Variants in GRIK3 observed in about 807,000 individuals in gnomAD.
The protein encoded by GRIK3 is glutamate ionotropic receptor kainate type subunit 3, also known as glutamate receptor ionotropic, kainate 3.
A neutral mutation model predicts 102.5 loss-of-function variants in GRIK3; 29 were observed. The ratio of observed to expected loss-of-function variants is 0.28; its 90% CI spans 0.21 to 0.39. The LOEUF (loss-of-function observed/expected upper bound fraction) is 0.39. GRIK3 is among the 10% of genes least tolerant of loss of function. GRIK3 has a pLI of 1.00. For missense variants in GRIK3, 908 were observed against 1,252.4 expected (o/e 0.73, Z 4.15); for synonymous variants, 511 against 504.9 (o/e 1.01, Z -0.16).
intron 1 of GRIK3, among the ~76,000 whole-genome samples, chr1:36,932,844 C>G (rs1160030455): frequency 6.6e-6 from 1 of 152,130 alleles, no homozygotes; most frequent in Non-Finnish European, 1.5e-5. Flanking sequence ...CATCTATTTG[C>G]TTGCTGTAGT....
intron 1 of GRIK3, among the ~76,000 whole-genome samples, chr1:37,022,074 G>C (rs1178717687): frequency 6.6e-6 from 1 of 152,206 alleles, no homozygotes; most frequent in Non-Finnish European, 1.5e-5. Context: ...TATATTCCCA[G>C]GGCTAAATGG....
intron 1 of GRIK3, among the ~76,000 whole-genome samples, chr1:36,970,277 C>T (rs955198859): frequency 4.6e-5 from 7 of 152,200 alleles, no homozygotes; most frequent in Non-Finnish European, 1.0e-4. Context: ...ACTAGGAGGT[C>T]ATCCGTATGT....
At chr1:36,890,828 G>T in intron 2 of GRIK3, 92 bp downstream of exon 2, 3 of 1,023,382 alleles carry the variant, frequency 2.9e-6, no homozygotes, top group Non-Finnish European at 4.3e-6. Context: ...CCTACTTGGA[G>T]CTCTGGCCCA....
intron 1 of GRIK3, among the ~76,000 whole-genome samples, chr1:36,918,461 G>A (rs1167169414): frequency 2.6e-5 from 4 of 152,144 alleles, no homozygotes; most frequent in Non-Finnish European, 5.9e-5. Flanking sequence ...TATTAATGGC[G>A]ACAAAGTATC....
intron 1 of GRIK3, among the ~76,000 whole-genome samples, chr1:36,970,942 T>G (rs1292542154): frequency 6.6e-6 from 1 of 152,246 alleles, no homozygotes; most frequent in African/African-American, 2.4e-5. Context: ...CAGTAGGAAC[T>G]GACTAGGTGA....
intron 5 of GRIK3, among the ~76,000 whole-genome samples, chr1:36,866,551 A>G (rs1043418227): frequency 6.6e-6 from 1 of 152,198 alleles, no homozygotes; most frequent in Admixed American, 6.5e-5. Flanking sequence ...CAAAAGCAGG[A>G]TGTTTAGTTT....
rs192380141 is a variant in GRIK3 at position 36,824,100 on chromosome 1, C to A, written c.1754+1503G>T. On this transcript the variant is annotated intron_variant, in intron 11 of 15. Transcript: ENST00000373091. ...CTATCATTACAGCAGCTCTAGGAAACCCATCTCTTCTAGAAAGTCTCCCAG... is the reference window on the plus strand; with the variant it reads ...CTATCATTACAGCAGCTCTAGGAAAACCATCTCTTCTAGAAAGTCTCCCAG... Among the ~76,000 whole-genome samples the A allele has an allele frequency of 3.3e-4, 50 of 152,220 alleles. No homozygotes were observed. In the East Asian group the frequency reaches 9.5e-3, roughly 29 times the overall value.
chr1:36,967,673 G>T (rs1273962283), intron 1 of GRIK3, among the ~76,000 whole-genome samples: 1 of 152,218 alleles, frequency 6.6e-6, no homozygotes, highest in Non-Finnish European at 1.5e-5. Flanking sequence ...GAAGGTAAAT[G>T]ACAAGAGGTG....
chr1:36,872,258 A>G lies in GRIK3; in HGVS notation c.662T>C (p.Met221Thr), dbSNP rs762985336. Residue 221 changes from methionine (M) to threonine (T), a missense_variant, in exon 4 of 16, where the codon ATG becomes ACG. This residue lies in a region of GRIK3 where 585 missense variants were observed against 824.9 expected (regional missense o/e 0.71). Transcript: ENST00000373091. The surrounding 1 kb of genome is among the most constrained non-coding windows in gnomAD (Gnocchi z 5.9). ...AATGCGGAATTCCCGGCCTCGCTTC[A>G]TCTCCTTGAGCAAGGGGCGCGAGTC... ...SDDSRPLLKE[M>T]KRGREFRIIF... The G allele has an allele frequency of 6.2e-7, 1 of 1,613,058 alleles. No homozygotes were observed. Among genetic ancestry groups the G allele is most frequent in the South Asian group, 1.1e-5 (1 of 90,798 alleles).
intron 1 of GRIK3, among the ~76,000 whole-genome samples, chr1:36,974,473 T>C (rs1368253820): frequency 6.6e-6 from 1 of 152,108 alleles, no homozygotes; most frequent in Non-Finnish European, 1.5e-5. Flanking sequence ...AACAATGTGG[T>C]ATAAACACAA....
At chr1:36,989,233 G>A (rs1039660790) in intron 1 of GRIK3, among the ~76,000 whole-genome samples, 3 of 152,160 alleles carry the variant, frequency 2.0e-5, no homozygotes, top group African/African-American at 4.8e-5. Flanking sequence ...GAGGTTGTGC[G>A]TCTCCAAGAA....
At chr1:37,030,691 T>G (rs1642817943) in intron 1 of GRIK3, among the ~76,000 whole-genome samples, 1 of 152,106 alleles carries the variant, frequency 6.6e-6, no homozygotes, top group East Asian at 1.9e-4. Flanking sequence ...CTGCCACCAC[T>G]GTCTAGTTCC....
intron 1 of GRIK3, among the ~76,000 whole-genome samples, chr1:36,917,202 A>G (rs1032026699): frequency 2.0e-5 from 3 of 152,118 alleles, no homozygotes; most frequent in Admixed American, 1.3e-4. Context: ...TTTTAAGCCA[A>G]TTTCTCCCAT....
chr1:36,940,928 A>G (rs1235761705), intron 1 of GRIK3, among the ~76,000 whole-genome samples: 2 of 152,210 alleles, frequency 1.3e-5, no homozygotes, highest in Non-Finnish European at 2.9e-5. Flanking sequence ...GTGGTTCCCA[A>G]TCAGACCCAA....
chr1:36,847,631 T>C (rs1640533600), intron 9 of GRIK3, among the ~76,000 whole-genome samples: 1 of 152,246 alleles, frequency 6.6e-6, no homozygotes, highest in African/African-American at 2.4e-5. Flanking sequence ...GACCGCACTC[T>C]GTGCCACTTA....
At chr1:36,837,932 C>A (rs1640400639) in intron 10 of GRIK3, among the ~76,000 whole-genome samples, 1 of 152,226 alleles carries the variant, frequency 6.6e-6, no homozygotes, top group Non-Finnish European at 1.5e-5. Context: ...TGTGAGTCAG[C>A]TCCTCGAGGC....
chr1:36,943,563 G>A (rs1170239049), intron 1 of GRIK3, among the ~76,000 whole-genome samples: 1 of 152,222 alleles, frequency 6.6e-6, no homozygotes, highest in African/African-American at 2.4e-5. Context: ...TGTGCCTGAG[G>A]CATCTCATTA....
At chr1:36,999,998 GA>G (rs1042108110) in intron 1 of GRIK3, among the ~76,000 whole-genome samples, 1 of 150,858 alleles carries the variant, frequency 6.6e-6, no homozygotes, top group Admixed American at 6.6e-5. Flanking sequence ...CTCCGTCTCA[GA>G]AAAAAAAAGA....
At chr1:36,912,098 G>A (rs914327225) in intron 1 of GRIK3, among the ~76,000 whole-genome samples, 5 of 152,024 alleles carry the variant, frequency 3.3e-5, no homozygotes, top group Admixed American at 2.6e-4. Flanking sequence ...CTCCCTTCAC[G>A]CACACCTTCC....
Sources: allele counts gnomAD v4.1 joint callset (sites outside exome capture counted in the v4.1 genomes callset), GRCh38; gene constraint gnomAD v4.1.1; regional missense constraint gnomAD v4.1.1; non-coding constraint Gnocchi (gnomAD v3.1); transcripts MANE v1.5; gene names NCBI Gene and HGNC (gene_info 2026-07-23, HGNC 2026-07-21).